PTPRD: variants seen among roughly 807,000 people sequenced by gnomAD.
PTPRD encodes protein tyrosine phosphatase receptor type D, also known as receptor-type tyrosine-protein phosphatase delta.
PTPRD carries 34 observed loss-of-function variants against 214.5 expected under a neutral mutation model. The observed-to-expected ratio is 0.16, with a 90% CI of 0.12 to 0.21. The LOEUF (loss-of-function observed/expected upper bound fraction) is 0.21. Ranked by LOEUF, PTPRD falls within the 10% of genes least tolerant of loss-of-function variation. The pLI is 1.00. For synonymous variants in PTPRD, 1,128 were observed against 845.7 expected, an observed-to-expected ratio of 1.33 and a Z score of -5.79; for missense variants, 2,545 against 2,398.7, an observed-to-expected ratio of 1.06 and a Z score of -1.27.
chr9:9,638,329 A>G (rs1461691246), intron 7 of PTPRD, among the ~76,000 whole-genome samples: 3 of 152,154 alleles, frequency 2.0e-5, no homozygotes, highest in Non-Finnish European at 4.4e-5. Flanking sequence ...CTTCTGCCAA[A>G]TATCCTGGTT....
intron 2 of PTPRD, among the ~76,000 whole-genome samples, chr9:10,547,029 A>G (rs1237754203): frequency 1.3e-5 from 2 of 152,074 alleles, no homozygotes; most frequent in African/African-American, 4.8e-5. Flanking sequence ...ATTAAGCCTC[A>G]CCAAGACTCC....
intron 4 of PTPRD, among the ~76,000 whole-genome samples, chr9:9,941,911 C>T (rs911052398): frequency 1.3e-5 from 2 of 152,150 alleles, no homozygotes; most frequent in South Asian, 2.1e-4. Context: ...ACAACAAATA[C>T]TTCTGTGTAT....
chr9:10,526,524 A>G (rs1350001170), intron 2 of PTPRD, among the ~76,000 whole-genome samples: 1 of 152,138 alleles, frequency 6.6e-6, no homozygotes, highest in African/African-American at 2.4e-5. Flanking sequence ...TATAAGGAGA[A>G]TATTTTGAAG....
chr9:8,897,144 G>A (rs1363026401), intron 11 of PTPRD, among the ~76,000 whole-genome samples: 2 of 152,124 alleles, frequency 1.3e-5, no homozygotes, highest in African/African-American at 4.8e-5. Flanking sequence ...TTGAGGTAGA[G>A]ACAGAGGCCA....
chr9:10,421,178 C>T (rs1487191499), intron 2 of PTPRD, among the ~76,000 whole-genome samples: 1 of 148,802 alleles, frequency 6.7e-6, no homozygotes, highest in Non-Finnish European at 1.5e-5. Flanking sequence ...CAAGCTTGAT[C>T]TACAAAAAAA....
At chr9:9,737,980 C>T (rs1055575870) in intron 6 of PTPRD, among the ~76,000 whole-genome samples, 62 of 151,864 alleles carry the variant, frequency 4.1e-4, no homozygotes, top group African/African-American at 1.5e-3. Context: ...ATATCCTTGC[C>T]AACACTTATT....
intron 3 of PTPRD, among the ~76,000 whole-genome samples, chr9:10,336,526 T>C (rs974387506): frequency 2.5e-4 from 38 of 151,456 alleles, no homozygotes; most frequent in African/African-American, 9.2e-4. Flanking sequence ...ATAGAATAAA[T>C]CAGAAAATAA....
intron 9 of PTPRD, among the ~76,000 whole-genome samples, chr9:9,217,353 T>C (rs1187874556): frequency 2.0e-5 from 3 of 152,306 alleles, no homozygotes; most frequent in South Asian, 2.1e-4. Flanking sequence ...GGGCTACAAA[T>C]ACATAAAATA....
At chr9:8,661,614 T>C (rs1435955670) in intron 12 of PTPRD, among the ~76,000 whole-genome samples, 1 of 152,198 alleles carries the variant, frequency 6.6e-6, no homozygotes, top group Non-Finnish European at 1.5e-5. Flanking sequence ...AAAAATTTTG[T>C]GCATGAAAGC....
At chr9:10,131,189 A>C (rs1360478128) in intron 3 of PTPRD, among the ~76,000 whole-genome samples, 1 of 152,144 alleles carries the variant, frequency 6.6e-6, no homozygotes, top group African/African-American at 2.4e-5. Flanking sequence ...CTGTGTTTTA[A>C]TTTTGGCCAC....
At chr9:10,367,814 G>C (rs755801033) in intron 2 of PTPRD, among the ~76,000 whole-genome samples, 1 of 151,980 alleles carries the variant, frequency 6.6e-6, no homozygotes, top group East Asian at 1.9e-4. Context: ...TTCAGACAAT[G>C]CTTGATTGGA....
chr9:9,529,135 T>C (rs146701047), intron 8 of PTPRD, among the ~76,000 whole-genome samples: 4,899 of 151,944 alleles, frequency 0.032, 272 homozygotes, highest in African/African-American at 0.11. Flanking sequence ...GGTTTCACCA[T>C]GTTAGCCAGA....
At chr9:10,313,610 G>A (rs1160999459) in intron 3 of PTPRD, among the ~76,000 whole-genome samples, 1 of 151,864 alleles carries the variant, frequency 6.6e-6, no homozygotes, top group Non-Finnish European at 1.5e-5. Context: ...ATCTATGTGT[G>A]GCTCCCAGGT....
chr9:9,372,789 C>T (rs2059870162), intron 9 of PTPRD, among the ~76,000 whole-genome samples: 2 of 152,030 alleles, frequency 1.3e-5, no homozygotes, highest in Non-Finnish European at 2.9e-5. Context: ...CCTTCAGGAG[C>T]TCTTTTTGGG....
chr9:9,022,367 G>A (rs988041725), intron 10 of PTPRD, among the ~76,000 whole-genome samples: 41 of 152,168 alleles, frequency 2.7e-4, no homozygotes, highest in African/African-American at 9.6e-4. Context: ...TCCATTCATT[G>A]TAAGTGTCCT....
At chr9:8,869,231 G>T (rs2098251870) in intron 11 of PTPRD, among the ~76,000 whole-genome samples, 1 of 152,048 alleles carries the variant, frequency 6.6e-6, no homozygotes, top group Non-Finnish European at 1.5e-5. Context: ...GTAATTTTTG[G>T]CTTAAGGAAT....
At chr9:8,541,702 A>G (rs972566480) in intron 14 of PTPRD, among the ~76,000 whole-genome samples, 3 of 152,220 alleles carry the variant, frequency 2.0e-5, no homozygotes, top group East Asian at 1.9e-4. Context: ...GTGTATGTCA[A>G]TGTATGTTTT....
At chr9:8,325,725 G>A (rs1353913377) in intron 44 of PTPRD, among the ~76,000 whole-genome samples, 1 of 152,130 alleles carries the variant, frequency 6.6e-6, no homozygotes, top group African/African-American at 2.4e-5. Flanking sequence ...AGCATGGAAT[G>A]TTCTTCCATT....
intron 11 of PTPRD, among the ~76,000 whole-genome samples, chr9:8,808,355 T>G (rs1028531356): frequency 5.3e-5 from 8 of 152,130 alleles, no homozygotes; most frequent in Admixed American, 2.0e-4. Context: ...TGGTAAGCAC[T>G]TTTGGGAAAA....
Sources: allele counts gnomAD v4.1 joint callset (sites outside exome capture counted in the v4.1 genomes callset), GRCh38; gene constraint gnomAD v4.1.1; transcripts MANE v1.5; gene names NCBI Gene and HGNC (gene_info 2026-07-23, HGNC 2026-07-21).